Variants in CDH9 observed in about 807,000 individuals in gnomAD.
CDH9 encodes the protein cadherin 9.
CDH9 carries 28 observed loss-of-function variants against 70.9 expected under a neutral mutation model. That is an observed-to-expected ratio of 0.40 (90% CI 0.29 to 0.54). The LOEUF (loss-of-function observed/expected upper bound fraction) is 0.54, where lower values mean the gene tolerates loss of function less well. CDH9 is among the 20% of genes least tolerant of loss of function. The pLI, the probability that CDH9 is intolerant of heterozygous loss-of-function variation, is 0.59. For missense variants in CDH9, 874 were observed against 984.4 expected (o/e 0.89, Z 1.50); for synonymous variants, 409 against 343.1 (o/e 1.19, Z -2.12).
chr5:26,960,401 T>G (rs373585120), intron 2 of CDH9, among the ~76,000 whole-genome samples: 10 of 152,052 alleles, frequency 6.6e-5, no homozygotes, highest in Non-Finnish European at 1.0e-4. Flanking sequence ...CAATCACTAG[T>G]ATGCTTACGA....
intron 1 of CDH9, among the ~76,000 whole-genome samples, chr5:27,003,203 T>C (rs2112107848): frequency 6.6e-6 from 1 of 152,250 alleles, no homozygotes; most frequent in Non-Finnish European, 1.5e-5. Flanking sequence ...TTGTGGAGCA[T>C]TTCAGATTTC....
chr5:26,917,893 C>A (rs144902145), intron 2 of CDH9, among the ~76,000 whole-genome samples: 1 of 152,052 alleles, frequency 6.6e-6, no homozygotes, highest in African/African-American at 2.4e-5. Context: ...GAACTGTAAA[C>A]CTGAAGTCAT....
chr5:26,987,453 T>G (rs1444325860), intron 2 of CDH9, among the ~76,000 whole-genome samples: 1 of 151,824 alleles, frequency 6.6e-6, no homozygotes, highest in Non-Finnish European at 1.5e-5. Flanking sequence ...GGAGAGATAA[T>G]GAGCTAAAGA....
chr5:26,885,702 T>C lies in CDH9; in HGVS notation c.1794A>G (p.Gln598=). The change falls in exon 11 of 12, where the codon CAA becomes CAG. Residue 598 remains glutamine, a synonymous_variant. Transcript: ENST00000231021. ...GGATCAGGGCTTCTGCGGTGCAGGA[T>C]TGCATGTTTCCTTGATTATCGCAGG... ...VCACDNQGNM[Q]SCTAEALILS... is the part of the protein sequence containing the mutation. The C allele has an allele frequency of 6.2e-7, 1 of 1,613,642 alleles. No homozygotes were observed. The highest frequency in any genetic ancestry group is 2.2e-5 in the East Asian group (1 of 44,826).
intron 9 of CDH9, among the ~76,000 whole-genome samples, chr5:26,888,811 C>T (rs1313848580): frequency 6.6e-6 from 1 of 152,152 alleles, no homozygotes; most frequent in Non-Finnish European, 1.5e-5. Flanking sequence ...TACCTTCTCC[C>T]TGAGTGCTCT....
chr5:27,035,171 G>GTGTA (rs146487263), intron 1 of CDH9, among the ~76,000 whole-genome samples: 2 of 143,256 alleles, frequency 1.4e-5, no homozygotes, highest in Non-Finnish European at 3.0e-5. Flanking sequence ...TATTGCATAT[G>GTGTA]TATATATATA....
In CDH9 at chr5:26,915,938, G is replaced by T. The variant is rs754275324; in HGVS notation, c.229-14C>A. ...GTCAGTGTGAAGCTTTAGAGAGGTA[G>T]AAAAGAAGAGTTCTGTAAATATATA... is the stretch of plus-strand genomic sequence containing the variant. On this transcript the variant is annotated splice_polypyrimidine_tract_variant and intron_variant, in intron 2 of 11. Coordinates refer to ENST00000231021, the MANE Select transcript of CDH9 (RefSeq NM_016279.4). 2 of 1,549,824 alleles carry T rather than the reference G, an allele frequency of 1.3e-6. No homozygotes were observed. The highest frequency in any genetic ancestry group is 1.8e-6 in the Non-Finnish European group (2 of 1,140,802).
At chr5:27,001,482 G>A (rs1017604024) in intron 1 of CDH9, among the ~76,000 whole-genome samples, 2 of 152,128 alleles carry the variant, frequency 1.3e-5, no homozygotes, top group African/African-American at 4.8e-5. Context: ...TAACCAACAG[G>A]AGGTTACCAT....
chr5:26,881,430 T>A lies in CDH9; in HGVS notation c.2076A>T (p.Val692=). 1 of 1,613,294 alleles carries A rather than the reference T, an allele frequency of 6.2e-7. No individual in the cohort carries two copies. Among genetic ancestry groups the A allele is most frequent in the African/African-American group, 1.3e-5 (1 of 75,000 alleles). Residue 692 remains valine (V), a synonymous_variant, in exon 12 of 12, where the codon GTA becomes GTT. Coordinates refer to ENST00000231021, the MANE Select transcript of CDH9 (RefSeq NM_016279.4). ...AREDSKLRRD[V]MPETIFQIRR... ...TTATCTGAAAAATAGTTTCAGGCAT[T>A]ACATCCCGTCTAAGTTTACTGTCTT... is the stretch of plus-strand genomic sequence containing the variant.
At chr5:26,966,732 G>A (rs1327774678) in intron 2 of CDH9, among the ~76,000 whole-genome samples, 1 of 152,090 alleles carries the variant, frequency 6.6e-6, no homozygotes, top group Non-Finnish European at 1.5e-5. Flanking sequence ...CTTAAGCTCT[G>A]TGATATTACA....
chr5:26,920,551 G>A (rs1741226198), intron 2 of CDH9, among the ~76,000 whole-genome samples: 1 of 152,056 alleles, frequency 6.6e-6, no homozygotes, highest in Non-Finnish European at 1.5e-5. Context: ...GTTACTGTGG[G>A]CCTTGGGAGA....
chr5:26,987,661 C>T (rs1742510664), intron 2 of CDH9, among the ~76,000 whole-genome samples: 1 of 151,968 alleles, frequency 6.6e-6, no homozygotes, highest in Non-Finnish European at 1.5e-5. Flanking sequence ...TGTCTTTATC[C>T]TTCTGCCTTA....
At chr5:26,926,040 G>T (rs915114237) in intron 2 of CDH9, among the ~76,000 whole-genome samples, 2 of 152,180 alleles carry the variant, frequency 1.3e-5, no homozygotes, top group Non-Finnish European at 2.9e-5. Flanking sequence ...ACAAGACAGG[G>T]ATGCCCTCTC....
intron 2 of CDH9, among the ~76,000 whole-genome samples, chr5:26,956,639 CACCCTCCACAG>C (rs1194161710): frequency 6.6e-6 from 1 of 152,094 alleles, no homozygotes; most frequent in East Asian, 1.9e-4. Flanking sequence ...AGCCCCCTGC[CACCCTCCACAG>C]ACCCCACAGG....
chr5:26,965,574 T>TTAATAATAA (rs59563835), intron 2 of CDH9, among the ~76,000 whole-genome samples: 13,873 of 146,550 alleles, frequency 0.095, 751 homozygotes, highest in Middle Eastern at 0.12. Flanking sequence ...AGACTCTGTC[T>TTAATAATAA]TAATAATAAT....
chr5:26,898,172 G>A (rs777975606), intron 7 of CDH9, among the ~76,000 whole-genome samples: 2 of 152,030 alleles, frequency 1.3e-5, no homozygotes, highest in Non-Finnish European at 2.9e-5. Context: ...AGAAATAAGG[G>A]AGGACACAAA....
intron 1 of CDH9, among the ~76,000 whole-genome samples, chr5:26,993,506 A>G (rs1742614942): frequency 6.6e-6 from 1 of 152,190 alleles, no homozygotes; most frequent in East Asian, 1.9e-4. Flanking sequence ...AGTATTTGAG[A>G]GTGAATACTA....
At chr5:27,003,691 C>A (rs1217435396) in intron 1 of CDH9, among the ~76,000 whole-genome samples, 1 of 151,860 alleles carries the variant, frequency 6.6e-6, no homozygotes, top group Non-Finnish European at 1.5e-5. Flanking sequence ...TTAACACTGC[C>A]AAAGTCATCA....
intron 6 of CDH9, chr5:26,903,356 T>C: frequency 2.0e-6 from 1 of 508,618 alleles, no homozygotes; most frequent in African/African-American, 2.0e-5. Flanking sequence ...TGTGTGTTTA[T>C]ATTTTCCTCT....
Sources: allele counts gnomAD v4.1 joint callset (sites outside exome capture counted in the v4.1 genomes callset), GRCh38; gene constraint gnomAD v4.1.1; transcripts MANE v1.5; gene names NCBI Gene and HGNC (gene_info 2026-07-23, HGNC 2026-07-21).